The following MAP1LC3B variants were observed in gnomAD, a reference collection of about 807,000 sequenced individuals.
MAP1LC3B encodes the protein microtubule associated protein 1 light chain 3 beta, also known as microtubule-associated protein 1 light chain 3 beta.
MAP1LC3B carries 12 observed loss-of-function variants against 16.7 expected under a neutral mutation model. The ratio of observed to expected loss-of-function variants is 0.72; its 90% confidence interval spans 0.46 to 1.16. MAP1LC3B has a LOEUF of 1.16. MAP1LC3B is among the 50% of genes most tolerant of loss of function. MAP1LC3B has a pLI of 0.00. For missense variants in MAP1LC3B, 155 were observed against 159.5 expected (o/e 0.97, Z 0.15); for synonymous variants, 63 against 56.5 (o/e 1.11, Z -0.51).
Position 87,399,464 on chromosome 16 carries a change from C to G in MAP1LC3B, c.96+594C>G, listed in dbSNP as rs188041453. The G allele has an allele frequency of 2.2e-4, 72 of 322,696 alleles. 1 individual carries two copies. The highest frequency in any genetic ancestry group is 1.5e-3 in the African/African-American group (68 of 45,858). The allele number at this position is 322,696 out of a possible 1,614,324, so 20.0% of individuals were successfully genotyped here. A position where few individuals can be genotyped will look rare whatever the true frequency, so the allele number is the denominator to read the frequency against. On this transcript the variant is annotated intron_variant, in intron 2 of 3. Transcript: ENST00000268607. ...AACTTACCAAGGAAAGTGATGACAG[C>G]TTGACTCGGCCTTACACAGAACCCT...
chr16:87,403,387 C>A lies in MAP1LC3B; in HGVS notation c.*290C>A, dbSNP rs1240495631. On this transcript the variant is annotated 3_prime_UTR_variant, in exon 4 of 4. Transcript: ENST00000268607. ...CATTCTAAGTTGCCAATAAAATAGA[C>A]CTTCAAGTTATTTTAATGCTCTTTT... 8.2e-6 allele frequency: 2 copies of A among 242,896 alleles called. No individual in the cohort carries two copies. Among genetic ancestry groups the A allele is most frequent in the Non-Finnish European group, 1.7e-5 (2 of 116,144 alleles). 15.0% of individuals were successfully genotyped at this position (242,896 alleles called of 1,614,324 possible).
intron 1 of MAP1LC3B, among the ~76,000 whole-genome samples, chr16:87,395,852 C>CT (rs72388667): frequency 8.0e-4 from 43 of 53,836 alleles, no homozygotes; most frequent in South Asian, 3.2e-3. Context: ...TCCTTCTTTC[C>CT]TTTTTTTTTT....
chr16:87,395,280 G>GTGCA (rs1212956967), intron 1 of MAP1LC3B, among the ~76,000 whole-genome samples: 4 of 152,186 alleles, frequency 2.6e-5, no homozygotes, highest in Non-Finnish European at 5.9e-5. Flanking sequence ...AGATTTTGCT[G>GTGCA]TGCATGTGGA....
At chr16:87,401,937 A>T (rs1035299324) in intron 2 of MAP1LC3B, among the ~76,000 whole-genome samples, 2 of 151,338 alleles carry the variant, frequency 1.3e-5, no homozygotes, top group Non-Finnish European at 2.9e-5. Flanking sequence ...GGTTCACGCC[A>T]TTCTCCTGCC....
In MAP1LC3B at chr16:87,403,843, C is replaced by T. The variant is rs1001544173; in HGVS notation, c.*746C>T. 6.6e-6 allele frequency: 1 copy of T among 152,016 alleles called. No homozygotes were observed. Among genetic ancestry groups the T allele is most frequent in the Non-Finnish European group, 1.5e-5 (1 of 67,994 alleles). 9.4% of individuals were successfully genotyped at this position (152,016 alleles called of 1,614,324 possible). On this transcript the variant is annotated 3_prime_UTR_variant, in exon 4 of 4. Coordinates refer to ENST00000268607, the MANE Select transcript of MAP1LC3B (RefSeq NM_022818.5). ...TTAAAAGACCCTGGAGAAAGAGTGG[C>T]ATTTCTTCTGTTTCAGGTTTTGTCT...
At chr16:87,395,866 T>C (rs1274647327) in intron 1 of MAP1LC3B, among the ~76,000 whole-genome samples, 1 of 136,406 alleles carries the variant, frequency 7.3e-6, no homozygotes, top group East Asian at 2.1e-4. Flanking sequence ...TTTTTTTTTT[T>C]TTTTTTTTTT....
At chr16:87,400,478 C>T (rs1436048207) in intron 2 of MAP1LC3B, among the ~76,000 whole-genome samples, 2 of 152,074 alleles carry the variant, frequency 1.3e-5, no homozygotes, top group African/African-American at 4.8e-5. Flanking sequence ...CGCACCTGGC[C>T]TCAAATATTT....
Position 87,403,316 on chromosome 16 carries a change from G to C in MAP1LC3B, c.*219G>C, listed in dbSNP as rs1363321564. The C allele has an allele frequency of 4.9e-6, 2 of 407,848 alleles. No homozygotes were observed. Among genetic ancestry groups the C allele is most frequent in the South Asian group, 1.4e-4 (2 of 13,814 alleles). The allele number at this position is 407,848 out of a possible 1,614,324, so 25.3% of individuals were successfully genotyped here. On this transcript the variant is annotated 3_prime_UTR_variant, in exon 4 of 4. Transcript: ENST00000268607. ...TTGGAAACTATATTATTTAATGTAGGCTAGCTTGTTTTCAAATTTTAAAAG... is the reference window on the plus strand; with the variant it reads ...TTGGAAACTATATTATTTAATGTAGCCTAGCTTGTTTTCAAATTTTAAAAG...
rs762464327 is a variant in MAP1LC3B at position 87,392,432 on chromosome 16, C to G, written c.5C>G (p.Pro2Arg). 9.2e-6 allele frequency: 13 copies of G among 1,420,170 alleles called. No individual in the cohort carries two copies. Among genetic ancestry groups the G allele is most frequent in the Non-Finnish European group, 1.2e-5 (13 of 1,096,438 alleles). 88.0% of individuals were successfully genotyped at this position (1,420,170 alleles called of 1,614,324 possible). A position where few individuals can be genotyped will look rare whatever the true frequency, so the allele number is the denominator to read the frequency against. Residue 2 changes from proline (P) to arginine (R), a missense_variant, in exon 1 of 4, where the codon CCG becomes CGG. Pro to Arg is a moderately radical substitution (Grantham distance 103). Transcript: ENST00000268607. ...CGCCGCCCAGATCCCTGCACCATGC[C>G]GTCGGAGAAGACCTTCAAGCAGCGC... is the stretch of plus-strand genomic sequence containing the variant. M[P>R]SEKTFKQRRT...
At position 87,398,860 on chromosome 16, in the gene MAP1LC3B, C is replaced by A. The variant is rs144107314; in HGVS notation, c.86C>A (p.Thr29Asn). Residue 29 changes from threonine to asparagine, a missense_variant, in exon 2 of 4, where the codon ACC becomes AAC. Transcript: ENST00000268607. ...DVRLIREQHPTKIPVIIERYK... is the reference protein window; with the variant it reads ...DVRLIREQHPNKIPVIIERYK... ...CGACTTATTCGAGAGCAGCATCCAA[C>A]CAAAATCCCGGTAGGTAGTCTCAGG... 14 of 1,614,092 alleles carry A rather than the reference C, an allele frequency of 8.7e-6. No homozygotes were observed. In the East Asian group the frequency reaches 2.9e-4, roughly 33 times the overall value.
chr16:87,395,507 G>A (rs1907767337), intron 1 of MAP1LC3B, among the ~76,000 whole-genome samples: 1 of 152,174 alleles, frequency 6.6e-6, no homozygotes. Context: ...CTGTGCTGTT[G>A]ATAATGCTTT....
At chr16:87,395,763 T>G (rs1033493890) in intron 1 of MAP1LC3B, among the ~76,000 whole-genome samples, 7 of 152,000 alleles carry the variant, frequency 4.6e-5, no homozygotes, top group African/African-American at 1.4e-4. Flanking sequence ...TTTTAGGTCG[T>G]GTTTTGGGAA....
intron 1 of MAP1LC3B, among the ~76,000 whole-genome samples, chr16:87,398,561 T>C (rs1907882549): frequency 6.6e-6 from 1 of 152,260 alleles, no homozygotes; most frequent in Non-Finnish European, 1.5e-5. Context: ...TCCTTGAAAC[T>C]AGTTGTCCCA....
intron 3 of MAP1LC3B, 65 bp downstream of exon 3, chr16:87,402,346 TAC>T (rs563607142): frequency 9.1e-5 from 131 of 1,442,678 alleles, no homozygotes; most frequent in African/African-American, 8.3e-4. Flanking sequence ...TTATGAAACT[TAC>T]AGTTAAATCT....
intron 1 of MAP1LC3B, 114 bp from the exon 2 acceptor site, chr16:87,398,701 C>G: frequency 1.2e-6 from 1 of 861,906 alleles, no homozygotes; most frequent in Non-Finnish European, 1.9e-6. Flanking sequence ...AAGATGTCTT[C>G]AGTGTTCTGC....
At chr16:87,398,632 T>G (rs1183348040) in intron 1 of MAP1LC3B, among the ~76,000 whole-genome samples, 183 bp from the exon 2 acceptor site, 1 of 152,194 alleles carries the variant, frequency 6.6e-6, no homozygotes, top group Admixed American at 6.5e-5. Flanking sequence ...CTCTTGGCCT[T>G]AGATACAAAC....
At chr16:87,399,407 C>A (rs1032724122) in intron 2 of MAP1LC3B, 2 of 315,888 alleles carry the variant, frequency 6.3e-6, no homozygotes, top group African/African-American at 4.4e-5. Flanking sequence ...GGATATCACA[C>A]TTCAGAACGT....
intron 2 of MAP1LC3B, among the ~76,000 whole-genome samples, chr16:87,400,911 G>T (rs923689154): frequency 6.6e-6 from 1 of 151,918 alleles, no homozygotes; most frequent in Non-Finnish European, 1.5e-5. Flanking sequence ...GAGGCGGGTG[G>T]ATCACGAAGT....
At chr16:87,392,660 G>T in intron 1 of MAP1LC3B, 193 bp downstream of exon 1, 1 of 324,104 alleles carries the variant, frequency 3.1e-6, no homozygotes, top group South Asian at 1.3e-4. Context: ...ACCGAGCCGG[G>T]AGGGCCAGGG....
Sources: allele counts gnomAD v4.1 joint callset (sites outside exome capture counted in the v4.1 genomes callset), GRCh38; gene constraint gnomAD v4.1.1; transcripts MANE v1.5; gene names NCBI Gene and HGNC (gene_info 2026-07-23, HGNC 2026-07-21).